XKR9: variants seen among roughly 807,000 people sequenced by gnomAD.
The protein encoded by XKR9 is XK related 9, also known as XK-related protein 9.
Under a neutral mutation model 32.0 loss-of-function variants are expected in XKR9, and 32 were observed. The observed-to-expected ratio is 1.00, with a 90% CI of 0.76 to 1.34. The LOEUF (loss-of-function observed/expected upper bound fraction) is 1.34. Ranked by LOEUF, XKR9 falls within the 40% of genes most tolerant of loss-of-function variation. The pLI is 0.00. For missense variants in XKR9, 546 were observed against 429.7 expected, an observed-to-expected ratio of 1.27 and a Z score of -2.39; for synonymous variants, 168 against 143.4, an observed-to-expected ratio of 1.17 and a Z score of -1.22.
the XKR9 span, among the ~76,000 whole-genome samples, chr8:70,843,225 G>T: frequency 1.2e-4 from 19 of 152,242 alleles, no homozygotes; most frequent in East Asian, 3.3e-3. Context: ...AATTAATGCA[G>T]CCTTCCACTA....
At chr8:70,836,431 T>G in the XKR9 span, among the ~76,000 whole-genome samples, 7 of 152,098 alleles carry the variant, frequency 4.6e-5, no homozygotes, top group Non-Finnish European at 1.0e-4. Context: ...ATATAGGAAG[T>G]TCACTATGTA....
At chr8:70,874,965 G>A in the XKR9 span, among the ~76,000 whole-genome samples, 1 of 152,070 alleles carries the variant, frequency 6.6e-6, no homozygotes, top group Non-Finnish European at 1.5e-5. Context: ...TCACATGCTC[G>A]TCCTTGGAAC....
the XKR9 span, among the ~76,000 whole-genome samples, chr8:70,870,103 T>C: frequency 6.6e-6 from 1 of 152,210 alleles, no homozygotes; most frequent in East Asian, 1.9e-4. Context: ...TTTTTGATGA[T>C]TTACTTGAGG....
the XKR9 span, among the ~76,000 whole-genome samples, chr8:70,988,228 C>A: frequency 4.0e-5 from 6 of 151,660 alleles, no homozygotes; most frequent in Non-Finnish European, 8.8e-5. Flanking sequence ...GACACACAAC[C>A]AAATCATATC....
chr8:70,919,559 A>G, the XKR9 span, among the ~76,000 whole-genome samples: 1 of 152,198 alleles, frequency 6.6e-6, no homozygotes, highest in Non-Finnish European at 1.5e-5. Flanking sequence ...CGCTTTAACA[A>G]CTGGGAAGGG....
chr8:70,764,013 G>A (rs748081650), intron 2 of XKR9, among the ~76,000 whole-genome samples: 18 of 152,182 alleles, frequency 1.2e-4, no homozygotes, highest in Non-Finnish European at 2.5e-4. Flanking sequence ...TGCTGCGTCT[G>A]TCTCAAGTTT....
intron 4 of XKR9, among the ~76,000 whole-genome samples, chr8:70,721,156 T>A (rs62530821): frequency 0.072 from 11,032 of 152,262 alleles, 473 homozygotes; most frequent in Non-Finnish European, 0.089. Flanking sequence ...ATCCCCTTTA[T>A]CATTTTTTAT....
chr8:70,817,345 A>C, the XKR9 span, among the ~76,000 whole-genome samples: 1 of 152,182 alleles, frequency 6.6e-6, no homozygotes, highest in African/African-American at 2.4e-5. Flanking sequence ...TCAAGTTGAG[A>C]GCCAAATCAA....
the XKR9 span, among the ~76,000 whole-genome samples, chr8:71,032,166 C>A: frequency 2.0e-5 from 3 of 151,768 alleles, no homozygotes; most frequent in East Asian, 3.9e-4. Flanking sequence ...TGCCTGTAGT[C>A]CCAGCTACTC....
intron 2 of XKR9, among the ~76,000 whole-genome samples, chr8:70,765,417 G>T (rs1414661276): frequency 1.3e-5 from 2 of 152,080 alleles, no homozygotes; most frequent in Admixed American, 6.6e-5. Flanking sequence ...TCATATCTTT[G>T]TCCACTTTTT....
intron 2 of XKR9, among the ~76,000 whole-genome samples, chr8:70,679,251 T>C (rs1818986827): frequency 1.3e-5 from 2 of 152,184 alleles, no homozygotes; most frequent in Admixed American, 6.5e-5. Flanking sequence ...AAGTCAGACA[T>C]TGCAAACTCA....
chr8:70,748,193 G>A (rs1468243534), intron 2 of XKR9, among the ~76,000 whole-genome samples: 1 of 152,236 alleles, frequency 6.6e-6, no homozygotes, highest in Non-Finnish European at 1.5e-5. Flanking sequence ...GGCTGGGGCT[G>A]CCCTGTTCTG....
the XKR9 span, among the ~76,000 whole-genome samples, chr8:70,878,432 T>C: frequency 6.6e-6 from 1 of 151,906 alleles, no homozygotes; most frequent in African/African-American, 2.4e-5. Context: ...AAGATGCACA[T>C]AGGCTCAAAA....
intron 2 of XKR9, among the ~76,000 whole-genome samples, chr8:70,750,270 T>G (rs12679132): frequency 0.32 from 48,109 of 151,680 alleles, 8,919 homozygotes; most frequent in Non-Finnish European, 0.43. Context: ...TGCATAGAAT[T>G]TCTAGGGGTT....
At chr8:70,877,342 A>G in the XKR9 span, among the ~76,000 whole-genome samples, 1 of 152,202 alleles carries the variant, frequency 6.6e-6, no homozygotes, top group Non-Finnish European at 1.5e-5. Flanking sequence ...TACTATTTTC[A>G]TCATTTTTAA....
At chr8:70,855,498 T>G in the XKR9 span, among the ~76,000 whole-genome samples, 9 of 152,164 alleles carry the variant, frequency 5.9e-5, no homozygotes, top group Non-Finnish European at 1.3e-4. Context: ...AATCTACGTC[T>G]GATTGGTTTA....
At chr8:70,976,428 G>C in the XKR9 span, among the ~76,000 whole-genome samples, 1 of 152,106 alleles carries the variant, frequency 6.6e-6, no homozygotes, top group African/African-American at 2.4e-5. Flanking sequence ...TAGCATGAAG[G>C]GCTGTTGAAT....
At chr8:70,768,213 C>T (rs1270340670) in intron 2 of XKR9, among the ~76,000 whole-genome samples, 1 of 152,126 alleles carries the variant, frequency 6.6e-6, no homozygotes, top group Non-Finnish European at 1.5e-5. Context: ...TGTTCAGTTT[C>T]CATGTAGTTG....
intron 3 of XKR9, chr8:70,789,473 C>G (rs978647246): frequency 6.6e-6 from 1 of 152,020 alleles, no homozygotes; most frequent in South Asian, 2.1e-4. Flanking sequence ...TAAGTCATTT[C>G]TTTGTTGATA....
Sources: allele counts gnomAD v4.1 joint callset (sites outside exome capture counted in the v4.1 genomes callset), GRCh38; gene constraint gnomAD v4.1.1; transcripts MANE v1.5; gene names NCBI Gene and HGNC (gene_info 2026-07-23, HGNC 2026-07-21).